Variants in HIBCH observed in about 807,000 individuals in gnomAD.
HIBCH encodes the protein 3-hydroxyisobutyryl-CoA hydrolase, also known as 3-hydroxyisobutyryl-CoA hydrolase, mitochondrial.
In HIBCH, 50 loss-of-function variants were observed where a neutral mutation model predicts 58.2. That is an observed-to-expected ratio of 0.86 (90% confidence interval 0.68 to 1.09). The LOEUF is 1.09. Among genes scored for constraint, HIBCH ranks in the 50% least tolerant of loss-of-function variants. The probability of loss-of-function intolerance (pLI) is 0.00; values close to 1 mark genes in which losing one functional copy is unlikely to be tolerated. For missense variants in HIBCH, 450 were observed against 449.7 expected (o/e 1.00, Z -0.01); for synonymous variants, 151 against 146.9 (o/e 1.03, Z -0.20).
intron 11 of HIBCH, among the ~76,000 whole-genome samples, chr2:190,224,330 A>C (rs1016320099): frequency 1.3e-5 from 2 of 152,228 alleles, no homozygotes; most frequent in African/African-American, 4.8e-5. Flanking sequence ...CTCTGGGGTC[A>C]GGGCTTAGCA....
intron 11 of HIBCH, among the ~76,000 whole-genome samples, chr2:190,228,514 G>A (rs544597392): frequency 1.7e-4 from 25 of 150,832 alleles, no homozygotes; most frequent in African/African-American, 5.9e-4. Context: ...AAAGCTACAG[G>A]TTGTGCACAT....
At chr2:190,219,148 C>A (rs1559016098) in intron 11 of HIBCH, among the ~76,000 whole-genome samples, 13 of 151,920 alleles carry the variant, frequency 8.6e-5, no homozygotes, top group African/African-American at 3.1e-4. Context: ...TCCACATGGC[C>A]CTGAAGTTGG....
At chr2:190,258,707 C>T (rs1047295679) in intron 7 of HIBCH, among the ~76,000 whole-genome samples, 1 of 152,192 alleles carries the variant, frequency 6.6e-6, no homozygotes, top group Admixed American at 6.5e-5. Flanking sequence ...ATTAATGTCA[C>T]GTCATTTTCC....
At chr2:190,312,308 T>C (rs1688580892) in intron 1 of HIBCH, among the ~76,000 whole-genome samples, 2 of 152,226 alleles carry the variant, frequency 1.3e-5, no homozygotes, top group Non-Finnish European at 2.9e-5. Flanking sequence ...TAATGACAGA[T>C]GTGCAAATAA....
At chr2:190,284,638 C>A (rs1687786754) in intron 6 of HIBCH, among the ~76,000 whole-genome samples, 1 of 152,126 alleles carries the variant, frequency 6.6e-6, no homozygotes, top group Non-Finnish European at 1.5e-5. Context: ...ACTTCTCAAC[C>A]CATTGACTTC....
At chr2:190,317,719 T>C (rs1688739254) in intron 1 of HIBCH, among the ~76,000 whole-genome samples, 1 of 151,968 alleles carries the variant, frequency 6.6e-6, no homozygotes, top group African/African-American at 2.4e-5. Context: ...GGTTTGGGAG[T>C]GTGGGAGAAC....
Position 190,281,909 on chromosome 2 carries a change from G to T in HIBCH, c.438+5677C>A, listed in dbSNP as rs1395406604. Among the ~76,000 whole-genome samples, 2 of 152,092 alleles carry T rather than the reference G, an allele frequency of 1.3e-5. No individual in the cohort carries two copies. The highest frequency in any genetic ancestry group is 1.9e-4 in the East Asian group (1 of 5,196). ...AGGTTCTTTGTCACTTTATTACAAG[G>T]ATGCTCTTTACTCCAATATCTTGTT... On this transcript the variant is annotated intron_variant, in intron 6 of 13. Coordinates refer to ENST00000359678, the MANE Select transcript of HIBCH (RefSeq NM_014362.4). This position sits in a 1 kb window ranked among gnomAD's most constrained non-coding sequence, Gnocchi z 5.4.
At position 190,298,399 on chromosome 2, in the gene HIBCH, C is replaced by T. The variant is rs150977435; in HGVS notation, c.79-1446G>A. Among the ~76,000 whole-genome samples the T allele has an allele frequency of 5.9e-3, 901 of 152,318 alleles. 4 individuals are homozygous for T. Among genetic ancestry groups the T allele is most frequent in the Middle Eastern group, 0.014 (4 of 294 alleles). Reference sequence around the variant, plus strand: ...TAAAAGCGTTCTTATTTCTCCGCAGCCTCACCAGCATCTGTTGTTGCCTGA... The same window carrying T: ...TAAAAGCGTTCTTATTTCTCCGCAGTCTCACCAGCATCTGTTGTTGCCTGA... On this transcript the variant is annotated intron_variant, in intron 2 of 13. Transcript: ENST00000359678.
At chr2:190,208,952 G>A (rs753503931) in intron 12 of HIBCH, 39 bp from the exon 13 acceptor site, 3 of 1,587,176 alleles carry the variant, frequency 1.9e-6, no homozygotes, top group African/African-American at 1.3e-5. Context: ...TAATTTCTGG[G>A]TGTCCTTATT....
At chr2:190,291,501 A>G (rs1465240474) in intron 4 of HIBCH, among the ~76,000 whole-genome samples, 1 of 152,240 alleles carries the variant, frequency 6.6e-6, no homozygotes, top group African/African-American at 2.4e-5. Flanking sequence ...AAAGCCTCAA[A>G]GTCAAGAAAG....
intron 3 of HIBCH, among the ~76,000 whole-genome samples, chr2:190,294,943 G>A (rs1265205343): frequency 2.6e-5 from 4 of 151,976 alleles, no homozygotes; most frequent in Admixed American, 2.6e-4. Flanking sequence ...AACAAATAAG[G>A]GCATAATAAT....
chr2:190,307,921 C>T (rs984035156), intron 2 of HIBCH, among the ~76,000 whole-genome samples: 1 of 152,222 alleles, frequency 6.6e-6, no homozygotes, highest in Non-Finnish European at 1.5e-5. Context: ...ACACTATAAA[C>T]ACAAAATAAT....
chr2:190,189,960 A>C (rs958513996), exon 2 of HIBCH: 1 of 152,244 alleles, frequency 6.6e-6, no homozygotes, highest in African/African-American at 2.4e-5. Context: ...CCTCCAGCAC[A>C]GGGAGCTGGT....
At chr2:190,198,576 G>A (rs1302816604) in intron 1 of HIBCH, among the ~76,000 whole-genome samples, 1 of 139,248 alleles carries the variant, frequency 7.2e-6, no homozygotes, top group African/African-American at 2.7e-5. Context: ...AGGCTACAGT[G>A]AGCCGTGATT....
rs144850724 is a variant in HIBCH, at chr2:190,249,414, C to T, written c.750+226G>A. Among the ~76,000 whole-genome samples, 67 of 152,278 alleles carry T rather than the reference C, an allele frequency of 4.4e-4. No homozygotes were observed. The East Asian group carries it at 8.9e-3, about 20-fold the overall frequency. On this transcript the variant is annotated intron_variant, in intron 9 of 13. Coordinates refer to ENST00000359678, the MANE Select transcript of HIBCH (RefSeq NM_014362.4). The stretch of plus-strand genomic sequence containing the variant: ...CACAAGGCTATGCACTGAAGTTAAC[C>T]AGCAGTGGGAAGACAGCTATGCAGC...
At chr2:190,258,639 A>C (rs1686999505) in intron 7 of HIBCH, among the ~76,000 whole-genome samples, 1 of 152,228 alleles carries the variant, frequency 6.6e-6, no homozygotes, top group Non-Finnish European at 1.5e-5. Context: ...CAACAATCGT[A>C]TATTTTTGTT....
intron 6 of HIBCH, among the ~76,000 whole-genome samples, chr2:190,282,344 G>A (rs1687723409): frequency 2.6e-5 from 4 of 152,208 alleles, no homozygotes. Context: ...TCAAGATTGA[G>A]AGGCTGCATC....
intron 6 of HIBCH, among the ~76,000 whole-genome samples, chr2:190,283,555 T>G (rs912669000): frequency 1.3e-5 from 2 of 152,222 alleles, no homozygotes; most frequent in Non-Finnish European, 1.5e-5. Context: ...GAGTGCTATT[T>G]CTTTTGCGGC....
rs1209606752 is a variant in HIBCH, at chr2:190,210,749, G to A, written c.1012-1836C>T. On this transcript the variant is annotated intron_variant, in intron 12 of 13. Transcript: ENST00000359678. The surrounding 1 kb of genome is among the most constrained non-coding windows in gnomAD (Gnocchi z 5.5). The stretch of plus-strand genomic sequence containing the variant: ...CTCTTTGTGGTCCCTAGCACAGGCA[G>A]TCATGCTCCAGCCTCACAGCTTTGT... 2.6e-5 allele frequency among the ~76,000 whole-genome samples: 4 copies of A among 152,090 alleles called. No homozygotes were observed. The highest frequency in any genetic ancestry group is 5.9e-5 in the Non-Finnish European group (4 of 68,038).
Sources: allele counts gnomAD v4.1 joint callset (sites outside exome capture counted in the v4.1 genomes callset), GRCh38; gene constraint gnomAD v4.1.1; non-coding constraint Gnocchi (gnomAD v3.1); transcripts MANE v1.5; gene names NCBI Gene and HGNC (gene_info 2026-07-23, HGNC 2026-07-21).